Variants in XKR6 observed in about 807,000 individuals in gnomAD.
XKR6 encodes the protein XK-related protein 6.
A neutral mutation model predicts 56.7 loss-of-function variants in XKR6; 22 were observed. The ratio of observed to expected loss-of-function variants is 0.39; its 90% CI spans 0.28 to 0.55. The LOEUF is 0.55. Among genes scored for constraint, XKR6 ranks in the 20% least tolerant of loss-of-function variants. The pLI is 0.66. For synonymous variants in XKR6, 524 were observed against 387.8 expected (o/e 1.35, Z -4.13); for missense variants, 852 against 889.0 (o/e 0.96, Z 0.53).
chr8:11,032,382 T>C (rs774316139), intron 1 of XKR6, among the ~76,000 whole-genome samples: 1 of 152,190 alleles, frequency 6.6e-6, no homozygotes, highest in African/African-American at 2.4e-5. Context: ...CAAAGCTGTT[T>C]GTGGTGTGAA....
At chr8:11,063,260 G>A (rs76870467) in intron 1 of XKR6, among the ~76,000 whole-genome samples, 4,341 of 151,518 alleles carry the variant, frequency 0.029, 195 homozygotes, top group African/African-American at 0.093. Flanking sequence ...TCTTCAGAGG[G>A]ACAGAACTAA....
At chr8:11,152,343 C>G (rs1801308847) in intron 1 of XKR6, among the ~76,000 whole-genome samples, 1 of 152,164 alleles carries the variant, frequency 6.6e-6, no homozygotes, top group Admixed American at 6.5e-5. Context: ...AACATCTGGG[C>G]ATGTTGCTGG....
Position 11,079,791 on chromosome 8 carries a change from G to C in XKR6, c.764+120785C>G, listed in dbSNP as rs768745283. ...CCTGGGCAATATAAGGAGACCCCTT[G>C]TCATCTCTACAAAAAAGTTTTAAAA... On this transcript the variant is annotated intron_variant, in intron 1 of 2. Coordinates refer to ENST00000416569, the MANE Select transcript of XKR6 (RefSeq NM_173683.4). 2.0e-5 allele frequency among the ~76,000 whole-genome samples: 3 copies of C among 152,134 alleles called. No homozygotes were observed. In the South Asian group the frequency reaches 6.2e-4, roughly 32 times the overall value.
intron 1 of XKR6, among the ~76,000 whole-genome samples, chr8:11,148,581 A>C (rs1289791548): frequency 6.6e-6 from 1 of 152,242 alleles, no homozygotes; most frequent in Admixed American, 6.5e-5. Context: ...GCTGATGTGA[A>C]TATAAAATGG....
chr8:11,000,066 G>C (rs1275002377), intron 1 of XKR6, among the ~76,000 whole-genome samples: 1 of 152,142 alleles, frequency 6.6e-6, no homozygotes, highest in Non-Finnish European at 1.5e-5. Flanking sequence ...GAACACCTAA[G>C]CCAACACACT....
chr8:11,118,502 T>C (rs979174533), intron 1 of XKR6, among the ~76,000 whole-genome samples: 1 of 152,220 alleles, frequency 6.6e-6, no homozygotes, highest in Admixed American at 6.5e-5. Context: ...TATTGGTCTA[T>C]TCAGAGATTC....
intron 1 of XKR6, among the ~76,000 whole-genome samples, chr8:11,162,552 T>C (rs556249071): frequency 2.1e-4 from 32 of 152,190 alleles, no homozygotes; most frequent in Non-Finnish European, 3.2e-4. Context: ...AGCAGCTAAA[T>C]TGCAAAGTGA....
chr8:11,064,568 C>T (rs1799929459), intron 1 of XKR6, among the ~76,000 whole-genome samples: 1 of 152,222 alleles, frequency 6.6e-6, no homozygotes, highest in Non-Finnish European at 1.5e-5. Context: ...CCTCATTAAA[C>T]TTTTCATTTT....
At chr8:11,045,780 G>A (rs1177743733) in intron 1 of XKR6, among the ~76,000 whole-genome samples, 1 of 152,198 alleles carries the variant, frequency 6.6e-6, no homozygotes, top group East Asian at 1.9e-4. Context: ...CAGAGGCAGT[G>A]CACTGGTGTG....
chr8:10,981,179 C>T (rs536099208), intron 1 of XKR6, among the ~76,000 whole-genome samples: 90 of 152,314 alleles, frequency 5.9e-4, no homozygotes, highest in African/African-American at 1.9e-3. Context: ...TCTTGCAATA[C>T]TGAGAGATGG....
chr8:11,096,690 C>T (rs1439285488), intron 1 of XKR6, among the ~76,000 whole-genome samples: 4 of 152,248 alleles, frequency 2.6e-5, no homozygotes, highest in Non-Finnish European at 5.9e-5. Flanking sequence ...CTTTGCCCCA[C>T]ATCCCATCAA....
intron 1 of XKR6, among the ~76,000 whole-genome samples, chr8:11,176,656 G>A (rs952793257): frequency 1.3e-5 from 2 of 151,928 alleles, no homozygotes; most frequent in African/African-American, 4.8e-5. Flanking sequence ...AGATGAAGTC[G>A]GCCCCAGCCA....
chr8:11,038,048 A>G (rs992067013), intron 1 of XKR6, among the ~76,000 whole-genome samples: 10 of 151,714 alleles, frequency 6.6e-5, no homozygotes, highest in African/African-American at 2.4e-4. Context: ...AAAAAGATTG[A>G]ATGCTAAGAC....
chr8:11,029,280 G>A (rs1254752044), intron 1 of XKR6, among the ~76,000 whole-genome samples: 3 of 152,138 alleles, frequency 2.0e-5, no homozygotes, highest in African/African-American at 7.2e-5. Context: ...GTCTCTGAAT[G>A]CTGTCATCAG....
chr8:11,051,725 C>A (rs1299436181), intron 1 of XKR6, among the ~76,000 whole-genome samples: 1 of 152,160 alleles, frequency 6.6e-6, no homozygotes, highest in Non-Finnish European at 1.5e-5. Context: ...CCCTACACAG[C>A]AGCCAGAATG....
intron 1 of XKR6, among the ~76,000 whole-genome samples, chr8:11,070,636 G>C (rs1800091172): frequency 6.6e-6 from 1 of 152,068 alleles, no homozygotes; most frequent in Admixed American, 6.6e-5. Context: ...AGGTCAAATG[G>C]GATAAAAATG....
intron 1 of XKR6, among the ~76,000 whole-genome samples, chr8:11,140,463 GC>G (rs1284816937): frequency 3.3e-5 from 5 of 152,142 alleles, no homozygotes; most frequent in African/African-American, 9.7e-5. Context: ...AACAGTTTAT[GC>G]CAGAAGGAAA....
chr8:11,033,652 C>T (rs1188349804), intron 1 of XKR6, among the ~76,000 whole-genome samples: 1 of 152,128 alleles, frequency 6.6e-6, no homozygotes, highest in Non-Finnish European at 1.5e-5. Flanking sequence ...CATTGCTCTA[C>T]CAGCCCCTTA....
chr8:11,120,396 A>G (rs1327576567), intron 1 of XKR6, among the ~76,000 whole-genome samples: 1 of 152,214 alleles, frequency 6.6e-6, no homozygotes, highest in South Asian at 2.1e-4. Context: ...CCAATAACAG[A>G]CAAACAGAGA....
Sources: allele counts gnomAD v4.1 joint callset (sites outside exome capture counted in the v4.1 genomes callset), GRCh38; gene constraint gnomAD v4.1.1; transcripts MANE v1.5; gene names NCBI Gene and HGNC (gene_info 2026-07-23, HGNC 2026-07-21).